Variants in COBLL1 observed in about 807,000 individuals in gnomAD.
COBLL1 encodes the protein cordon-bleu protein-like 1.
A neutral mutation model predicts 94.8 loss-of-function variants in COBLL1; 50 were observed. That is an observed-to-expected ratio of 0.53 (90% CI 0.42 to 0.67). The LOEUF (loss-of-function observed/expected upper bound fraction) is 0.67. Ranked by LOEUF, COBLL1 falls within the 30% of genes least tolerant of loss-of-function variation. COBLL1 has a pLI of 0.00. For synonymous variants in COBLL1, 448 were observed against 473.8 expected (o/e 0.95, Z 0.71); for missense variants, 1,362 against 1,348.7 (o/e 1.01, Z -0.15).
At chr2:164,791,017 T>C (rs1246145816) in intron 2 of COBLL1, among the ~76,000 whole-genome samples, 1 of 152,190 alleles carries the variant, frequency 6.6e-6, no homozygotes. Flanking sequence ...GCATCTAAAT[T>C]AGTTTCCATT....
chr2:164,671,434 T>G (rs1291029710), intron 1 of COBLL1, among the ~76,000 whole-genome samples: 1 of 152,092 alleles, frequency 6.6e-6, no homozygotes, highest in Non-Finnish European at 1.5e-5. Flanking sequence ...TCATAACAGA[T>G]TTTATGTGCA....
chr2:164,801,212 G>A (rs990246573), intron 2 of COBLL1, among the ~76,000 whole-genome samples: 2 of 151,702 alleles, frequency 1.3e-5, no homozygotes, highest in African/African-American at 4.9e-5. Flanking sequence ...GGCCGAGGCA[G>A]GCGGATCACG....
At chr2:164,696,196 A>AAAAAT (rs10649609) in intron 11 of COBLL1, 68,542 of 160,042 alleles carry the variant, frequency 0.43, 16,968 homozygotes, top group African/African-American at 0.69. Context: ...GAAGGTAAAT[A>AAAAAT]AAGTTTTTAC....
In COBLL1 at chr2:164,684,605, G is replaced by A. The variant is rs1019534468; in HGVS notation, c.*1341C>T. On this transcript the variant is annotated 3_prime_UTR_variant, in exon 14 of 14. Coordinates refer to ENST00000652658, the MANE Select transcript of COBLL1 (RefSeq NM_001365672.2). ...AAATGCTTAGACCATGCATTTTGGA[G>A]TCAGAATGCCAGGGCTTAAATGTAC... 1 of 152,130 alleles carries A rather than the reference G, an allele frequency of 6.6e-6. No individual in the cohort carries two copies. Among genetic ancestry groups the A allele is most frequent in the African/African-American group, 2.4e-5 (1 of 41,432 alleles). 9.4% of individuals were successfully genotyped at this position (152,130 alleles called of 1,614,324 possible).
intron 2 of COBLL1, among the ~76,000 whole-genome samples, chr2:164,808,977 T>G (rs2105335674): frequency 6.6e-6 from 1 of 152,202 alleles, no homozygotes. Context: ...ACTCTCAAAG[T>G]ACGTTGGAAA....
Position 164,680,747 on chromosome 2 carries a change from C to T in COBLL1, c.*5199G>A, listed in dbSNP as rs945186621. On this transcript the variant is annotated 3_prime_UTR_variant, in exon 14 of 14. Coordinates refer to ENST00000652658, the MANE Select transcript of COBLL1 (RefSeq NM_001365672.2). ...TATCCCAAATATTGTATGGGATATG[C>T]TTATACTAAAAAAAAATTTGTTGTT... 2 of 151,922 alleles carry T rather than the reference C, an allele frequency of 1.3e-5. No individual in the cohort carries two copies. Among genetic ancestry groups the T allele is most frequent in the African/African-American group, 4.8e-5 (2 of 41,356 alleles). The allele number at this position is 151,922 out of a possible 1,614,324, so 9.4% of individuals were successfully genotyped here. A position where few individuals can be genotyped will look rare whatever the true frequency, so the allele number is the denominator to read the frequency against.
chr2:164,809,462 G>T (rs1277857820), intron 2 of COBLL1, among the ~76,000 whole-genome samples: 4 of 151,754 alleles, frequency 2.6e-5, no homozygotes, highest in Admixed American at 1.3e-4. Context: ...AATATTTGGG[G>T]GTCTAAAATT....
rs760353328 is a variant in COBLL1, at chr2:164,694,704, T to C, written c.2688A>G (p.Pro896=). 11 of 1,613,842 alleles carry C rather than the reference T, an allele frequency of 6.8e-6. No homozygotes were observed. Among genetic ancestry groups the C allele is most frequent in the Non-Finnish European group, 9.3e-6 (11 of 1,179,932 alleles). The change falls in exon 12 of 14, where the codon CCA becomes CCG. Residue 896 remains proline (P), a synonymous_variant. Transcript: ENST00000652658. ...KSVHAAPNPA[P]KELTNKEAER... ...CTGCCTCTTTATTTGTCAGTTCTTT[T>C]GGAGCAGGATTAGGGGCAGCATGGA... is the stretch of plus-strand genomic sequence containing the variant.
At chr2:164,690,472 G>A (rs1683533073) in intron 13 of COBLL1, among the ~76,000 whole-genome samples, 1 of 152,166 alleles carries the variant, frequency 6.6e-6, no homozygotes, top group South Asian at 2.1e-4. Flanking sequence ...TAGAAGCAAT[G>A]AGAGTTTTCT....
intron 3 of COBLL1, among the ~76,000 whole-genome samples, chr2:164,732,071 T>C (rs1686043097): frequency 6.6e-6 from 1 of 152,138 alleles, no homozygotes; most frequent in African/African-American, 2.4e-5. Flanking sequence ...CTTTATGGGA[T>C]AAGGAGTATG....
chr2:164,803,698 A>G (rs1683943394), intron 2 of COBLL1, among the ~76,000 whole-genome samples: 1 of 152,200 alleles, frequency 6.6e-6, no homozygotes, highest in Admixed American at 6.5e-5. Context: ...CTAACATTGT[A>G]CAAAATATCA....
At chr2:164,743,360 G>C (rs767138838) in intron 3 of COBLL1, 1 of 184,644 alleles carries the variant, frequency 5.4e-6, no homozygotes, top group Non-Finnish European at 1.1e-5. Context: ...TGTTTTGTAA[G>C]TTTGGTTTAC....
rs780878777 is a variant in COBLL1, at chr2:164,694,416, T to C, written c.2976A>G (p.Val992=). Residue 992 remains valine, a synonymous_variant, in exon 12 of 14, where the codon GTA becomes GTG. Transcript: ENST00000652658. ...SSGPSPFALA[V]VKRSQSFSKE... ...TACTGAAAGACTGTGACCTTTTCAC[T>C]ACAGCAAGAGCAAACGGTGAAGGAC... 1.2e-5 allele frequency: 19 copies of C among 1,613,950 alleles called. No homozygotes were observed. The highest frequency in any genetic ancestry group is 1.7e-6 in the Non-Finnish European group (2 of 1,179,932).
At chr2:164,678,446 C>A (rs1682897650), downstream of COBLL1, among the ~76,000 whole-genome samples, 1 of 152,050 alleles carries the variant, frequency 6.6e-6, no homozygotes, top group African/African-American at 2.4e-5. Flanking sequence ...ATACAAAAAA[C>A]TTCAGATGAA....
intron 13 of COBLL1, chr2:164,687,152 A>G: frequency 5.6e-6 from 2 of 355,388 alleles, no homozygotes; most frequent in Non-Finnish European, 1.0e-5. Context: ...CACTCTCTTT[A>G]GTATGCCTGT....
intron 2 of COBLL1, among the ~76,000 whole-genome samples, chr2:164,806,008 T>G (rs1218309117): frequency 6.6e-6 from 1 of 152,216 alleles, no homozygotes; most frequent in African/African-American, 2.4e-5. Context: ...TGTCTTACAT[T>G]TTAGCCATTT....
chr2:164,781,489 A>C (rs2105276041), intron 2 of COBLL1, among the ~76,000 whole-genome samples: 1 of 152,292 alleles, frequency 6.6e-6, no homozygotes, highest in South Asian at 2.1e-4. Flanking sequence ...CTTACTGCAG[A>C]CCAGACACTT....
At chr2:164,797,288 C>T (rs192580525) in intron 2 of COBLL1, among the ~76,000 whole-genome samples, 2 of 152,294 alleles carry the variant, frequency 1.3e-5, no homozygotes, top group East Asian at 3.9e-4. Context: ...TGCTACTCAT[C>T]ATGTGATTTT....
chr2:164,720,949 C>G (rs952051544), intron 7 of COBLL1, among the ~76,000 whole-genome samples: 1 of 152,108 alleles, frequency 6.6e-6, no homozygotes, highest in African/African-American at 2.4e-5. Flanking sequence ...GATTTTATAC[C>G]ACAAATACTA....
Sources: allele counts gnomAD v4.1 joint callset (sites outside exome capture counted in the v4.1 genomes callset), GRCh38; gene constraint gnomAD v4.1.1; transcripts MANE v1.5; gene names NCBI Gene and HGNC (gene_info 2026-07-23, HGNC 2026-07-21).